Variants in PLCH1 observed in about 807,000 individuals in gnomAD.
The protein encoded by PLCH1 is 1-phosphatidylinositol 4,5-bisphosphate phosphodiesterase eta-1.
A neutral mutation model predicts 126.7 loss-of-function variants in PLCH1; 60 were observed. The ratio of observed to expected loss-of-function variants is 0.47; its 90% CI spans 0.38 to 0.59. The LOEUF is 0.59. Among genes scored for constraint, PLCH1 ranks in the 20% least tolerant of loss-of-function variants. The pLI is 0.00. For synonymous variants in PLCH1, 719 were observed against 734.9 expected, an observed-to-expected ratio of 0.98 and a Z score of 0.35; for missense variants, 1,723 against 2,040.0, an observed-to-expected ratio of 0.84 and a Z score of 2.99.
Position 155,458,453 on chromosome 3 carries a change from G to GGAAAGAAAGAAA in PLCH1, c.2938+26891_2938+26902dup, listed in dbSNP as rs796818041. 5.3e-3 allele frequency among the ~76,000 whole-genome samples: 153 copies of GGAAAGAAAGAAA among 28,648 alleles called. 7 individuals are homozygous for GGAAAGAAAGAAA. Among genetic ancestry groups the GGAAAGAAAGAAA allele is most frequent in the Middle Eastern group, 0.013 (1 of 78 alleles). 18.8% of individuals were successfully genotyped at this position (28,648 alleles called of 152,430 possible). A position where few individuals can be genotyped will look rare whatever the true frequency, so the allele number is the denominator to read the frequency against. On this transcript the variant is annotated intron_variant, in intron 21 of 21. Coordinates refer to the PLCH1 transcript ENST00000494598. ...AGGAAGGAAGGAAGGAAGGAAGGAA[G>GGAAAGAAAGAAA]GAAAGAAAGAAAGAAAGAAAGAAAG...
chr3:155,669,890 T>C (rs771475865), intron 2 of PLCH1, among the ~76,000 whole-genome samples: 3 of 152,192 alleles, frequency 2.0e-5, no homozygotes, highest in Non-Finnish European at 4.4e-5. Context: ...GTTGATCACA[T>C]AAAAGTTTAA....
Position 155,632,366 on chromosome 3 carries a change from A to C in PLCH1, c.80-35988T>G, listed in dbSNP as rs1484694850. 2.6e-5 allele frequency among the ~76,000 whole-genome samples: 4 copies of C among 152,222 alleles called. No homozygotes were observed. In the South Asian group the frequency reaches 8.3e-4, roughly 31 times the overall value. On this transcript the variant is annotated intron_variant, in intron 2 of 22. Coordinates refer to ENST00000460012, the MANE Select transcript of PLCH1 (RefSeq NM_014996.4). ...GTCAATTACCATGCTTTAATCCAGA[A>C]TTTGGAATTATTCAGGGAAACCAAA...
At chr3:155,622,069 A>G (rs1463313328) in intron 2 of PLCH1, among the ~76,000 whole-genome samples, 1 of 152,276 alleles carries the variant, frequency 6.6e-6, no homozygotes, top group Admixed American at 6.5e-5. Flanking sequence ...ATCTCTCTGC[A>G]GAAACCCTAC....
At chr3:155,513,857 AC>A (rs1440118228) in intron 12 of PLCH1, among the ~76,000 whole-genome samples, 4 of 152,176 alleles carry the variant, frequency 2.6e-5, no homozygotes, top group Non-Finnish European at 4.4e-5. Flanking sequence ...CAGGAAGGAC[AC>A]TTACCCATGG....
chr3:155,612,329 CAAA>C (rs778561751), intron 2 of PLCH1, among the ~76,000 whole-genome samples: 8 of 92,352 alleles, frequency 8.7e-5, no homozygotes, highest in Admixed American at 3.4e-4. Flanking sequence ...AACTCTGTCT[CAAA>C]AAAAAAAAAA....
chr3:155,702,517 G>A (rs188833323), intron 2 of PLCH1, among the ~76,000 whole-genome samples: 5 of 152,134 alleles, frequency 3.3e-5, no homozygotes, highest in Non-Finnish European at 4.4e-5. Flanking sequence ...AAAGGATTCC[G>A]TATGACAATG....
chr3:155,470,010 G>A (rs1179760736), intron 21 of PLCH1, among the ~76,000 whole-genome samples: 2 of 152,172 alleles, frequency 1.3e-5, no homozygotes, highest in Non-Finnish European at 2.9e-5. Context: ...ACTCTAAAAC[G>A]CAGAACGCCT....
At chr3:155,648,059 A>G (rs1740263925) in intron 2 of PLCH1, among the ~76,000 whole-genome samples, 1 of 152,346 alleles carries the variant, frequency 6.6e-6, no homozygotes, top group East Asian at 1.9e-4. Flanking sequence ...AACTCAGAAG[A>G]CTTGAAAATT....
chr3:155,644,810 T>C (rs778014832), intron 2 of PLCH1, among the ~76,000 whole-genome samples: 5 of 152,178 alleles, frequency 3.3e-5, no homozygotes, highest in Non-Finnish European at 7.3e-5. Flanking sequence ...ATTCTCCTCT[T>C]CTGTTGATAA....
intron 10 of PLCH1, among the ~76,000 whole-genome samples, chr3:155,537,973 CTCCAAGACAG>C (rs1723670989): frequency 6.6e-6 from 1 of 152,062 alleles, no homozygotes; most frequent in South Asian, 2.1e-4. Context: ...AGGAAACATT[CTCCAAGACAG>C]ACCATATGAC....
chr3:155,589,881 A>G (rs1560210336), intron 4 of PLCH1, among the ~76,000 whole-genome samples: 1 of 152,330 alleles, frequency 6.6e-6, no homozygotes, highest in Non-Finnish European at 1.5e-5. Flanking sequence ...ACACACCTCT[A>G]TATGGCAGAC....
At chr3:155,709,810 G>T (rs928867415) in intron 1 of PLCH1, among the ~76,000 whole-genome samples, 18 of 152,256 alleles carry the variant, frequency 1.2e-4, no homozygotes, top group Non-Finnish European at 2.2e-4. Flanking sequence ...CAGAGACAGG[G>T]TCCCATTACG....
intron 2 of PLCH1, among the ~76,000 whole-genome samples, chr3:155,612,921 A>AAAAAAAAG (rs1553855716): frequency 1.3e-5 from 2 of 151,506 alleles, no homozygotes; most frequent in East Asian, 1.9e-4. Context: ...AAAAAAAAAA[A>AAAAAAAAG]AAAAGAAAAG....
intron 10 of PLCH1, among the ~76,000 whole-genome samples, chr3:155,536,145 C>T (rs974389701): frequency 1.3e-5 from 2 of 152,288 alleles, no homozygotes; most frequent in East Asian, 1.9e-4. Context: ...ATAAGAAGAC[C>T]ACCCTGTGGG....
chr3:155,670,150 A>G (rs1743259790), intron 2 of PLCH1, among the ~76,000 whole-genome samples: 1 of 152,190 alleles, frequency 6.6e-6, no homozygotes, highest in African/African-American at 2.4e-5. Context: ...TAAAACAAAG[A>G]AAAAAGATTA....
chr3:155,489,414 T>G (rs891750319), intron 19 of PLCH1, among the ~76,000 whole-genome samples: 18 of 152,212 alleles, frequency 1.2e-4, no homozygotes, highest in African/African-American at 3.6e-4. Flanking sequence ...ATATATTACT[T>G]TCAAAAACTG....
intron 2 of PLCH1, among the ~76,000 whole-genome samples, chr3:155,669,614 A>G (rs1743193062): frequency 6.6e-6 from 1 of 152,312 alleles, no homozygotes; most frequent in East Asian, 1.9e-4. Flanking sequence ...TGGCCTTTTC[A>G]TTTTTAAAAC....
Position 155,611,863 on chromosome 3 carries a change from C to T in PLCH1, c.80-15485G>A, listed in dbSNP as rs541221505. ...AATTGGAAATTAACTCCAAAAGAAA[C>T]GCTCAAAACTATACAAATACATAGA... is the stretch of plus-strand genomic sequence containing the variant. On this transcript the variant is annotated intron_variant, in intron 2 of 22. Coordinates refer to ENST00000460012, the MANE Select transcript of PLCH1 (RefSeq NM_014996.4). 2.0e-4 allele frequency among the ~76,000 whole-genome samples: 30 copies of T among 152,252 alleles called. No individual in the cohort carries two copies. The South Asian group carries it at 2.7e-3, about 14-fold the overall frequency.
rs1229824771 is a variant in PLCH1, at chr3:155,523,972, A to C, written c.1395T>G (p.Asp465Glu). 1 of 1,607,808 alleles carries C rather than the reference A, an allele frequency of 6.2e-7. No homozygotes were observed. The highest frequency in any genetic ancestry group is 1.3e-5 in the African/African-American group (1 of 74,764). The change falls in exon 11 of 23, where the codon GAT becomes GAG. Residue 465 changes from aspartate (D) to glutamate (E), a missense_variant. Around this residue, in one of 2 missense-constraint regions of PLCH1, gnomAD observed 776 missense variants for 1,062.9 expected, o/e 0.73. Coordinates refer to ENST00000460012, the MANE Select transcript of PLCH1 (RefSeq NM_014996.4). ...GKKLPYHLGD[D>E]AEEGEVSDED... ...CATCAGAAACTTCCCCTTCCTCTGCATCATCCCCAAGGTGATAAGGCAACT... is the reference window on the plus strand; with the variant it reads ...CATCAGAAACTTCCCCTTCCTCTGCCTCATCCCCAAGGTGATAAGGCAACT...
Sources: gnomAD v4.1 joint callset for allele counts (sites outside exome capture counted in the v4.1 genomes callset) on GRCh38, gnomAD v4.1.1 for gene constraint, gnomAD v4.1.1 regional missense constraint, MANE v1.5 for transcripts, NCBI Gene and HGNC (gene_info 2026-07-23, HGNC 2026-07-21) for gene names.